The following PIAS1 variants were observed in gnomAD, a reference collection of about 807,000 sequenced individuals.
The protein encoded by PIAS1 is protein inhibitor of activated STAT 1.
PIAS1 carries 6 observed loss-of-function variants against 71.3 expected under a neutral mutation model. That is an observed-to-expected ratio of 0.08 (90% CI 0.05 to 0.17). PIAS1 has a LOEUF of 0.17. Among genes scored for constraint, PIAS1 ranks in the 10% least tolerant of loss-of-function variants. The probability of loss-of-function intolerance (pLI) is 1.00; values close to 1 mark genes in which losing one functional copy is unlikely to be tolerated. For synonymous variants in PIAS1, 303 were observed against 292.9 expected (o/e 1.03, Z -0.35); for missense variants, 555 against 793.6 (o/e 0.70, Z 3.61).
chr15:68,102,955 T>A (rs534468357), intron 2 of PIAS1, among the ~76,000 whole-genome samples: 2 of 151,886 alleles, frequency 1.3e-5, no homozygotes, highest in East Asian at 3.9e-4. Flanking sequence ...TGAGACAGGG[T>A]CTCATTCTGT....
chr15:68,135,460 C>G, intron 2 of PIAS1, among the ~76,000 whole-genome samples: 1 of 27,796 alleles, frequency 3.6e-5, no homozygotes, highest in Admixed American at 2.6e-4. Context: ...AGGCGCCCCC[C>G]ACCCCCCGGA....
chr15:68,165,718 G>A lies in PIAS1; in HGVS notation c.1008+914G>A, dbSNP rs565665190. ...CAAAAAAATGTTATACTAATCTGAT[G>A]TTAGGCTCTTTGGTAGGGGTGGTGG... On this transcript the variant is annotated intron_variant, in intron 8 of 13. Transcript: ENST00000249636. Among the ~76,000 whole-genome samples, 8 of 152,280 alleles carry A rather than the reference G, an allele frequency of 5.3e-5. No homozygotes were observed. The South Asian group carries it at 1.7e-3, about 32-fold the overall frequency.
intron 2 of PIAS1, among the ~76,000 whole-genome samples, chr15:68,101,616 A>C (rs1025526679): frequency 1.3e-5 from 2 of 151,628 alleles, no homozygotes; most frequent in African/African-American, 4.8e-5. Flanking sequence ...CTACAGATGC[A>C]TGCCACTGCG....
At chr15:68,168,659 T>C (rs1014071464) in intron 8 of PIAS1, among the ~76,000 whole-genome samples, 2 of 149,196 alleles carry the variant, frequency 1.3e-5, no homozygotes, top group Admixed American at 6.6e-5. Flanking sequence ...CAGATAATTA[T>C]TTAGAATTTA....
In PIAS1 at chr15:68,193,572, C is replaced by G. The variant is rs1159132845; in HGVS notation, c.*5737C>G. 1 of 155,472 alleles carries G rather than the reference C, an allele frequency of 6.4e-6. No homozygotes were observed. The highest frequency in any genetic ancestry group is 1.4e-5 in the Non-Finnish European group (1 of 70,192). The allele number at this position is 155,472 out of a possible 1,614,324, so 9.6% of individuals were successfully genotyped here. On this transcript the variant is annotated 3_prime_UTR_variant, in exon 14 of 14. Transcript: ENST00000249636. ...AAATATGGAAGATGGTTCTAGCCCC[C>G]AAATACAGAATAAGTCTCTTGGTAG...
chr15:68,127,607 ATTC>A lies in PIAS1; in HGVS notation c.470-14336_470-14334del, dbSNP rs367548620. ...TATTTCTTTCTCCTCATTTGGGTTT[ATTC>A]TTTTACAACACAAAAACAAAACAGG... On this transcript the variant is annotated intron_variant, in intron 2 of 13. Transcript: ENST00000249636. 3.6e-3 allele frequency among the ~76,000 whole-genome samples: 542 copies of A among 152,138 alleles called. 3 individuals are homozygous for A. Among genetic ancestry groups the A allele is most frequent in the African/African-American group, 0.012 (485 of 41,498 alleles).
chr15:68,123,996 A>ACACG (rs898605664), intron 2 of PIAS1, among the ~76,000 whole-genome samples: 2 of 151,554 alleles, frequency 1.3e-5, no homozygotes, highest in Non-Finnish European at 2.9e-5. Context: ...ACACACACAC[A>ACACG]CGTATACATA....
chr15:68,132,504 G>A (rs2092695361), intron 2 of PIAS1, among the ~76,000 whole-genome samples: 1 of 151,776 alleles, frequency 6.6e-6, no homozygotes, highest in Admixed American at 6.6e-5. Context: ...CAATGTTAAA[G>A]GTACATCAAA....
intron 7 of PIAS1, among the ~76,000 whole-genome samples, chr15:68,154,401 CGTGGATTTAGGA>C (rs1336709808): frequency 1.3e-5 from 2 of 152,012 alleles, no homozygotes; most frequent in Non-Finnish European, 2.9e-5. Flanking sequence ...CCGGGGGCTG[CGTGGATTTAGGA>C]GTGAGGGCTG....
chr15:68,133,070 A>G (rs1259182278), intron 2 of PIAS1, among the ~76,000 whole-genome samples: 2 of 151,196 alleles, frequency 1.3e-5, no homozygotes, highest in Non-Finnish European at 3.0e-5. Flanking sequence ...GTATTTTTTT[A>G]ATATTGTCGT....
intron 2 of PIAS1, among the ~76,000 whole-genome samples, chr15:68,132,035 TAAA>T (rs35523127): frequency 2.5e-5 from 3 of 118,612 alleles, no homozygotes. Context: ...AAACCTCCTC[TAAA>T]AAAAAAAAAA....
At chr15:68,112,424 TCTCTC>T (rs1314225808) in intron 2 of PIAS1, among the ~76,000 whole-genome samples, 17 of 152,174 alleles carry the variant, frequency 1.1e-4, no homozygotes, top group Admixed American at 8.5e-4. Flanking sequence ...TTTCCTCCTT[TCTCTC>T]ATGAACCCTT....
At chr15:68,069,756 A>G (rs1243969069) in intron 1 of PIAS1, among the ~76,000 whole-genome samples, 1 of 149,780 alleles carries the variant, frequency 6.7e-6, no homozygotes, top group Non-Finnish European at 1.5e-5. Context: ...GTGAGCCGAC[A>G]TTGTGCCACT....
intron 8 of PIAS1, 70 bp downstream of exon 8, chr15:68,164,874 A>T: frequency 1.2e-6 from 1 of 821,864 alleles, no homozygotes; most frequent in Non-Finnish European, 2.0e-6. Flanking sequence ...AAGTATTTTT[A>T]CTATTTGAGA....
At chr15:68,151,674 A>C (rs1436328463) in intron 6 of PIAS1, among the ~76,000 whole-genome samples, 1 of 104,510 alleles carries the variant, frequency 9.6e-6, no homozygotes. Context: ...AAAAAAAACA[A>C]AAAAACAAAA....
At chr15:68,143,074 C>T (rs1595762113) in intron 4 of PIAS1, among the ~76,000 whole-genome samples, 1 of 150,738 alleles carries the variant, frequency 6.6e-6, no homozygotes, top group African/African-American at 2.4e-5. Flanking sequence ...CTTTTATATA[C>T]ATATATATAT....
chr15:68,099,548 A>G (rs1047900252), intron 2 of PIAS1, among the ~76,000 whole-genome samples: 1 of 152,036 alleles, frequency 6.6e-6, no homozygotes, highest in African/African-American at 2.4e-5. Flanking sequence ...GTTTCTGGCT[A>G]TCATAAATAA....
At position 68,188,813 on chromosome 15, in the gene PIAS1, C is replaced by T. The variant is rs1408142535; in HGVS notation, c.*978C>T. The T allele has an allele frequency of 6.6e-6, 1 of 152,116 alleles. No homozygotes were observed. The highest frequency in any genetic ancestry group is 1.9e-4 in the East Asian group (1 of 5,194). The allele number at this position is 152,116 out of a possible 1,614,324, so 9.4% of individuals were successfully genotyped here. On this transcript the variant is annotated 3_prime_UTR_variant, in exon 14 of 14. Transcript: ENST00000249636. ...GTAACAAGTTTTCATGTAAGATCTTCATACCAAAGTAGGAAGTAAAAATAG... is the reference window on the plus strand; with the variant it reads ...GTAACAAGTTTTCATGTAAGATCTTTATACCAAAGTAGGAAGTAAAAATAG...
chr15:68,072,950 G>T (rs2092115955), intron 1 of PIAS1, among the ~76,000 whole-genome samples: 6 of 152,180 alleles, frequency 3.9e-5, no homozygotes, highest in Admixed American at 3.9e-4. Context: ...TTGGATGCCA[G>T]TATGCTCAGT....
Sources: gnomAD v4.1 joint callset for allele counts (sites outside exome capture counted in the v4.1 genomes callset) on GRCh38, gnomAD v4.1.1 for gene constraint, MANE v1.5 for transcripts, NCBI Gene and HGNC (gene_info 2026-07-23, HGNC 2026-07-21) for gene names.